RABGAP1L: variants seen among roughly 807,000 people sequenced by gnomAD.
RABGAP1L encodes rab GTPase-activating protein 1-like.
In RABGAP1L, 63 loss-of-function variants were observed where a neutral mutation model predicts 137.7. That is an observed-to-expected ratio of 0.46 (90% CI 0.37 to 0.56). The LOEUF is 0.56. RABGAP1L is among the 20% of genes least tolerant of loss of function. The probability of loss-of-function intolerance (pLI) is 0.00; values close to 1 mark genes in which losing one functional copy is unlikely to be tolerated. For synonymous variants in RABGAP1L, 431 were observed against 433.7 expected (o/e 0.99, Z 0.08); for missense variants, 1,095 against 1,244.0 (o/e 0.88, Z 1.80).
In RABGAP1L at chr1:174,406,257, G is replaced by A. The variant is rs184157752; in HGVS notation, c.1710+12112G>A. Among the ~76,000 whole-genome samples the A allele has an allele frequency of 3.0e-4, 46 of 152,104 alleles. 1 individual carries two copies. The East Asian group carries it at 8.5e-3, about 28-fold the overall frequency. ...TTTCTTCTCAACTCTCCAACACTGTGTATAAAATTTAAAATATACTCTAAG... is the reference window on the plus strand; with the variant it reads ...TTTCTTCTCAACTCTCCAACACTGTATATAAAATTTAAAATATACTCTAAG... On this transcript the variant is annotated intron_variant, in intron 13 of 25. Coordinates refer to ENST00000681986, the MANE Select transcript of RABGAP1L (RefSeq NM_001366446.1).
intron 18 of RABGAP1L, chr1:174,800,499 C>T (rs1558091505): frequency 6.5e-7 from 1 of 1,549,922 alleles, no homozygotes; most frequent in Non-Finnish European, 8.7e-7. Context: ...CGGCTTCTGG[C>T]GGTGAGATTG....
chr1:174,780,759 C>T (rs1195939715), intron 18 of RABGAP1L, among the ~76,000 whole-genome samples: 4 of 125,928 alleles, frequency 3.2e-5, no homozygotes, highest in African/African-American at 1.2e-4. Flanking sequence ...TGTGATGTTC[C>T]CCTTCTTGTG....
intron 13 of RABGAP1L, among the ~76,000 whole-genome samples, chr1:174,436,813 A>AC (rs929369301): frequency 3.9e-5 from 6 of 151,994 alleles, no homozygotes; most frequent in Admixed American, 3.9e-4. Flanking sequence ...TTGGGAGGCA[A>AC]CCCCCCAGTA....
intron 18 of RABGAP1L, among the ~76,000 whole-genome samples, chr1:174,807,978 C>CTTTTTT (rs144433289): frequency 1.1e-5 from 1 of 94,604 alleles, no homozygotes; most frequent in African/African-American, 3.3e-5. Flanking sequence ...ACAACAAATT[C>CTTTTTT]TTTTTTTTTT....
chr1:174,268,565 T>C (rs750895505), intron 7 of RABGAP1L, among the ~76,000 whole-genome samples: 6 of 152,128 alleles, frequency 3.9e-5, no homozygotes, highest in East Asian at 1.9e-4. Flanking sequence ...TTCCTCTCTC[T>C]CCTTCCCTAC....
At chr1:174,610,896 G>A (rs1671181322) in intron 13 of RABGAP1L, among the ~76,000 whole-genome samples, 2 of 152,006 alleles carry the variant, frequency 1.3e-5, no homozygotes, top group South Asian at 4.2e-4. Context: ...ATTTTTTGAT[G>A]GGGTTGTTTG....
chr1:174,478,883 T>C (rs1284009270), intron 13 of RABGAP1L, among the ~76,000 whole-genome samples: 1 of 152,242 alleles, frequency 6.6e-6, no homozygotes, highest in East Asian at 1.9e-4. Context: ...GAAATGATAC[T>C]GGCCTGAGTG....
At chr1:174,611,818 A>G (rs574689581) in intron 13 of RABGAP1L, among the ~76,000 whole-genome samples, 1 of 152,298 alleles carries the variant, frequency 6.6e-6, no homozygotes, top group African/African-American at 2.4e-5. Flanking sequence ...CCTTGAAGCA[A>G]TTGTGAATGG....
At chr1:174,620,231 A>T (rs998083772) in intron 13 of RABGAP1L, among the ~76,000 whole-genome samples, 1 of 152,022 alleles carries the variant, frequency 6.6e-6, no homozygotes, top group Non-Finnish European at 1.5e-5. Context: ...TCAATGAGAC[A>T]GAAAGTTAAC....
intron 19 of RABGAP1L, among the ~76,000 whole-genome samples, chr1:174,839,056 T>TG (rs1553261082): frequency 4.0e-4 from 57 of 140,960 alleles, no homozygotes; most frequent in African/African-American, 8.0e-4. Flanking sequence ...TGTGTGTGTG[T>TG]TGGTAGGGGT....
intron 13 of RABGAP1L, among the ~76,000 whole-genome samples, chr1:174,496,078 G>T (rs192603273): frequency 6.6e-6 from 1 of 152,204 alleles, no homozygotes; most frequent in Admixed American, 6.5e-5. Flanking sequence ...CTGTAGACAT[G>T]AAAGTTTAGG....
intron 19 of RABGAP1L, among the ~76,000 whole-genome samples, chr1:174,944,500 G>C (rs1411735809): frequency 6.6e-6 from 1 of 151,828 alleles, no homozygotes; most frequent in African/African-American, 2.4e-5. Flanking sequence ...AGCCAGGCTT[G>C]GTGACTTACA....
chr1:174,977,081 A>G (rs1173133136), intron 22 of RABGAP1L, among the ~76,000 whole-genome samples: 2 of 152,244 alleles, frequency 1.3e-5, no homozygotes, highest in African/African-American at 4.8e-5. Context: ...CTGAGACATC[A>G]GTAATACTAA....
At chr1:174,402,198 A>C (rs1443338721) in intron 13 of RABGAP1L, among the ~76,000 whole-genome samples, 2 of 152,164 alleles carry the variant, frequency 1.3e-5, no homozygotes, top group African/African-American at 4.8e-5. Flanking sequence ...TTTACCATCA[A>C]GAAAACTGTC....
Position 174,221,074 on chromosome 1 carries a change from A to T in RABGAP1L, c.241A>T (p.Ser81Cys). Residue 81 changes from serine to cysteine, a missense_variant, in exon 3 of 26, where the codon AGT becomes TGT. Ser to Cys is a moderately radical substitution (Grantham distance 112). Around this residue, in one of 4 missense-constraint regions of RABGAP1L, gnomAD observed 356 missense variants for 326.3 expected, o/e 1.09. Transcript: ENST00000681986. ...SSLLVDCQSS[S>C]EISDHSFGDI... Reference sequence around the variant, plus strand: ...TCTTCTTGTTGATTGTCAAAGTTCCAGTGAGATTTCAGACCATTCGTTTGG... The same window carrying T: ...TCTTCTTGTTGATTGTCAAAGTTCCTGTGAGATTTCAGACCATTCGTTTGG... 6.2e-7 allele frequency: 1 copy of T among 1,614,014 alleles called. No homozygotes were observed. Among genetic ancestry groups the T allele is most frequent in the Non-Finnish European group, 8.5e-7 (1 of 1,179,946 alleles).
chr1:174,269,446 G>A (rs565720363), intron 7 of RABGAP1L, among the ~76,000 whole-genome samples: 15 of 152,162 alleles, frequency 9.9e-5, no homozygotes, highest in Admixed American at 9.8e-4. Context: ...GATAGACATG[G>A]GCATGAATCC....
chr1:174,484,724 G>A (rs1029186919), intron 13 of RABGAP1L, among the ~76,000 whole-genome samples: 1 of 151,938 alleles, frequency 6.6e-6, no homozygotes, highest in Admixed American at 6.6e-5. Context: ...TTTATTTCTA[G>A]GTTCTCTATT....
chr1:174,251,417 A>T (rs1359102994), intron 6 of RABGAP1L, among the ~76,000 whole-genome samples: 1 of 152,004 alleles, frequency 6.6e-6, no homozygotes, highest in African/African-American at 2.4e-5. Context: ...ATAGACAGTT[A>T]ATAGGAAACA....
chr1:174,265,675 T>G (rs1343545690), intron 7 of RABGAP1L, among the ~76,000 whole-genome samples: 1 of 152,130 alleles, frequency 6.6e-6, no homozygotes, highest in Admixed American at 6.5e-5. Context: ...GAGGGTTTTT[T>G]TGTTTTTATT....
Sources: allele counts gnomAD v4.1 joint callset (sites outside exome capture counted in the v4.1 genomes callset), GRCh38; gene constraint gnomAD v4.1.1; regional missense constraint gnomAD v4.1.1; transcripts MANE v1.5; gene names NCBI Gene and HGNC (gene_info 2026-07-23, HGNC 2026-07-21).